Variants in PLGRKT observed in about 807,000 individuals in gnomAD.
PLGRKT encodes plasminogen receptor (KT).
PLGRKT carries 22 observed loss-of-function variants against 18.5 expected under a neutral mutation model. The ratio of observed to expected loss-of-function variants is 1.19; its 90% CI spans 0.85 to 1.70. PLGRKT has a LOEUF of 1.70. Among genes scored for constraint, PLGRKT ranks in the 40% most tolerant of loss-of-function variants. The pLI, the probability that PLGRKT is intolerant of heterozygous loss-of-function variation, is 0.00. For missense variants in PLGRKT, 235 were observed against 174.4 expected (o/e 1.35, Z -1.96); for synonymous variants, 72 against 52.8 (o/e 1.36, Z -1.58).
At chr9:5,383,943 A>G (rs564484020) in intron 3 of PLGRKT, among the ~76,000 whole-genome samples, 1 of 152,288 alleles carries the variant, frequency 6.6e-6, no homozygotes, top group Admixed American at 6.5e-5. Context: ...AGGCCAGATG[A>G]CTTCAGCTTC....
At chr9:5,401,601 A>G (rs1349318377) in intron 3 of PLGRKT, among the ~76,000 whole-genome samples, 3 of 151,936 alleles carry the variant, frequency 2.0e-5, no homozygotes, top group Non-Finnish European at 2.9e-5. Flanking sequence ...AGAGCCTTCC[A>G]TCTAAAAACA....
At chr9:5,432,998 G>C (rs1397359225) in intron 2 of PLGRKT, among the ~76,000 whole-genome samples, 1 of 150,342 alleles carries the variant, frequency 6.7e-6, no homozygotes, top group African/African-American at 2.5e-5. Context: ...CCGCCACCCC[G>C]TCTAGGAAGT....
chr9:5,394,112 T>C lies in PLGRKT; in HGVS notation c.82-32224A>G, dbSNP rs147914330. 3.4e-4 allele frequency among the ~76,000 whole-genome samples: 52 copies of C among 152,014 alleles called. 3 individuals carry two copies. The East Asian group carries it at 9.1e-3, about 26-fold the overall frequency. On this transcript the variant is annotated intron_variant, in intron 3 of 5. Coordinates refer to ENST00000223864, the MANE Select transcript of PLGRKT (RefSeq NM_018465.4). ...TCCCTTTCCTAAGGAACTGTAAACA[T>C]GTTCACTACAAGTAACCTTTCGGAA...
At position 5,420,879 on chromosome 9, in the gene PLGRKT, G is replaced by T. The variant is rs559948578; in HGVS notation, c.81+11018C>A. Among the ~76,000 whole-genome samples the T allele has an allele frequency of 2.1e-4, 32 of 152,280 alleles. No homozygotes were observed. The South Asian group carries it at 5.4e-3, about 26-fold the overall frequency. On this transcript the variant is annotated intron_variant, in intron 3 of 5. Transcript: ENST00000223864. ...AAGCAAGTAAAGAAAAAAACAGATG[G>T]GGGGCACAAGTGTGACAGATACTGG...
chr9:5,432,373 A>C (rs919779226), intron 2 of PLGRKT, among the ~76,000 whole-genome samples: 1 of 152,232 alleles, frequency 6.6e-6, no homozygotes, highest in African/African-American at 2.4e-5. Context: ...ACCTCTGTAC[A>C]ATTAGGCAAC....
intron 3 of PLGRKT, among the ~76,000 whole-genome samples, chr9:5,367,694 A>G (rs1817425093): frequency 6.6e-6 from 1 of 152,156 alleles, no homozygotes; most frequent in Admixed American, 6.5e-5. Context: ...AGAATTTATG[A>G]CTAGGTCCTC....
intron 3 of PLGRKT, among the ~76,000 whole-genome samples, chr9:5,423,603 C>T (rs2131163817): frequency 6.6e-6 from 1 of 152,218 alleles, no homozygotes; most frequent in African/African-American, 2.4e-5. Context: ...GTTGAAAACA[C>T]CTTCTTTCTT....
chr9:5,367,413 T>C (rs572619545), intron 3 of PLGRKT, among the ~76,000 whole-genome samples: 83 of 152,126 alleles, frequency 5.5e-4, no homozygotes, highest in African/African-American at 1.7e-3. Context: ...TGGAAAAGAA[T>C]AGAGAATTCA....
intron 3 of PLGRKT, among the ~76,000 whole-genome samples, chr9:5,371,214 A>T (rs10815196): frequency 1.3e-5 from 2 of 152,082 alleles, no homozygotes; most frequent in Admixed American, 6.6e-5. Flanking sequence ...CAAAATAAAT[A>T]TTTAGACTTT....
intron 3 of PLGRKT, among the ~76,000 whole-genome samples, chr9:5,372,905 G>C (rs1817549615): frequency 6.6e-6 from 1 of 152,162 alleles, no homozygotes; most frequent in South Asian, 2.1e-4. Context: ...GAGGAAACTA[G>C]GGATCAGAAT....
intron 3 of PLGRKT, among the ~76,000 whole-genome samples, chr9:5,366,792 A>G (rs1332699604): frequency 6.6e-6 from 1 of 152,156 alleles, no homozygotes; most frequent in African/African-American, 2.4e-5. Context: ...TCCAAATGGA[A>G]AAACAAGTCA....
intron 3 of PLGRKT, among the ~76,000 whole-genome samples, chr9:5,364,368 G>C (rs1010579181): frequency 6.6e-6 from 1 of 152,168 alleles, no homozygotes; most frequent in South Asian, 2.1e-4. Flanking sequence ...ACTCTCAAAA[G>C]ATTGTGAGCA....
At chr9:5,386,516 T>C (rs1011783670) in intron 3 of PLGRKT, among the ~76,000 whole-genome samples, 5 of 151,704 alleles carry the variant, frequency 3.3e-5, no homozygotes, top group Non-Finnish European at 5.9e-5. Context: ...AACAAAACAA[T>C]TTTCACTTCC....
At chr9:5,387,811 G>A (rs1817873727) in intron 3 of PLGRKT, among the ~76,000 whole-genome samples, 1 of 151,716 alleles carries the variant, frequency 6.6e-6, no homozygotes, top group Non-Finnish European at 1.5e-5. Flanking sequence ...AAAGGAAGGA[G>A]TATTGCAGAT....
intron 3 of PLGRKT, among the ~76,000 whole-genome samples, chr9:5,426,859 T>A (rs80351430): frequency 1.3e-5 from 2 of 152,196 alleles, no homozygotes; most frequent in Non-Finnish European, 2.9e-5. Context: ...ACCTCAGCTA[T>A]GTCACAAACC....
chr9:5,412,138 A>G, intron 3 of PLGRKT, among the ~76,000 whole-genome samples: 1 of 152,004 alleles, frequency 6.6e-6, no homozygotes. Flanking sequence ...GTGTCCAGAA[A>G]CAAATGCAAG....
chr9:5,375,757 T>C (rs1488279051), intron 3 of PLGRKT, among the ~76,000 whole-genome samples: 1 of 152,186 alleles, frequency 6.6e-6, no homozygotes, highest in East Asian at 1.9e-4. Flanking sequence ...GGCAGGAATG[T>C]AAAATGATGC....
At chr9:5,369,745 T>C (rs1355907780) in intron 3 of PLGRKT, among the ~76,000 whole-genome samples, 1 of 152,188 alleles carries the variant, frequency 6.6e-6, no homozygotes, top group Non-Finnish European at 1.5e-5. Context: ...CACAATGGAA[T>C]ACTGTGTAGC....
At chr9:5,406,424 C>T (rs1274919335) in intron 3 of PLGRKT, among the ~76,000 whole-genome samples, 1 of 152,156 alleles carries the variant, frequency 6.6e-6, no homozygotes. Flanking sequence ...GAATACTATG[C>T]AGCCATAAAA....
Sources: allele counts gnomAD v4.1 joint callset (sites outside exome capture counted in the v4.1 genomes callset), GRCh38; gene constraint gnomAD v4.1.1; transcripts MANE v1.5; gene names NCBI Gene and HGNC (gene_info 2026-07-23, HGNC 2026-07-21).